The following SNX29 variants were observed in gnomAD, a reference collection of about 807,000 sequenced individuals.
SNX29 encodes sorting nexin-29.
In SNX29, 78 loss-of-function variants were observed where a neutral mutation model predicts 102.1. That is an observed-to-expected ratio of 0.76 (90% CI 0.64 to 0.92). The LOEUF is 0.92. Among genes scored for constraint, SNX29 ranks in the 40% least tolerant of loss-of-function variants. SNX29 has a pLI of 0.00. For synonymous variants in SNX29, 580 were observed against 414.5 expected (o/e 1.40, Z -4.85); for missense variants, 1,280 against 1,061.7 (o/e 1.21, Z -2.86).
At chr16:12,431,083 C>G (rs1419931578) in intron 18 of SNX29, among the ~76,000 whole-genome samples, 2 of 152,152 alleles carry the variant, frequency 1.3e-5, no homozygotes, top group Non-Finnish European at 2.9e-5. Flanking sequence ...AACTCCTGAT[C>G]TCAGGTGATC....
At position 12,571,096 on chromosome 16, in the gene SNX29, T is replaced by TTC. The variant is rs1415488214; in HGVS notation, c.*2468_*2469dup. ...CACATGACAGCAACTCCCCGAAGCC[T>TTC]TCCCTTTGGAATCCCATAGAATGTT... On this transcript the variant is annotated 3_prime_UTR_variant, in exon 21 of 21. Transcript: ENST00000566228. 2 of 232,220 alleles carry TTC rather than the reference T, an allele frequency of 8.6e-6. No individual in the cohort carries two copies. The highest frequency in any genetic ancestry group is 1.7e-5 in the Non-Finnish European group (2 of 117,472). The allele number at this position is 232,220 out of a possible 1,614,324, so 14.4% of individuals were successfully genotyped here. A position where few individuals can be genotyped will look rare whatever the true frequency, so the allele number is the denominator to read the frequency against.
At chr16:12,309,360 T>A (rs1381401376) in intron 15 of SNX29, among the ~76,000 whole-genome samples, 1 of 152,240 alleles carries the variant, frequency 6.6e-6, no homozygotes, top group Non-Finnish European at 1.5e-5. Flanking sequence ...GAGGGCTCAC[T>A]GCTGAAGGCA....
chr16:12,117,493 G>C (rs1011567392), intron 11 of SNX29, among the ~76,000 whole-genome samples: 2 of 152,220 alleles, frequency 1.3e-5, no homozygotes, highest in Non-Finnish European at 2.9e-5. Context: ...TTAGTCAAAG[G>C]AGCCAGGCAA....
At position 12,247,933 on chromosome 16, in the gene SNX29, C is replaced by G. The variant is rs2078306725; in HGVS notation, c.1679-30000C>G. Among the ~76,000 whole-genome samples, 4 of 152,308 alleles carry G rather than the reference C, an allele frequency of 2.6e-5. No homozygotes were observed. In the South Asian group the frequency reaches 8.3e-4, roughly 32 times the overall value. ...TGCGTGGTGTGTTGTTTACCACACACTGTGTAGAATTACCATGGAACAAGG... is the reference window on the plus strand; with the variant it reads ...TGCGTGGTGTGTTGTTTACCACACAGTGTGTAGAATTACCATGGAACAAGG... On this transcript the variant is annotated intron_variant, in intron 14 of 20. Coordinates refer to ENST00000566228, the MANE Select transcript of SNX29 (RefSeq NM_032167.5).
At position 12,562,286 on chromosome 16, in the gene SNX29, C is replaced by T. The variant is rs78827965; in HGVS notation, c.2319-6220C>T. ...CATCCCCATGGGCCACGCTCTATCC[C>T]AGCATCAAACGTTATCGTTGGCTTT... On this transcript the variant is annotated intron_variant, in intron 20 of 20. Transcript: ENST00000566228. Among the ~76,000 whole-genome samples, 1,075 of 152,292 alleles carry T rather than the reference C, an allele frequency of 7.1e-3. 18 individuals are homozygous for T. Among genetic ancestry groups the T allele is most frequent in the African/African-American group, 0.025 (1,025 of 41,554 alleles).
chr16:12,435,237 A>C, intron 18 of SNX29, among the ~76,000 whole-genome samples: 1 of 152,206 alleles, frequency 6.6e-6, no homozygotes, highest in Non-Finnish European at 1.5e-5. Flanking sequence ...CAGCACAAGC[A>C]TCAGCTGATA....
intron 16 of SNX29, chr16:12,375,195 T>G (rs1597133816): frequency 6.6e-6 from 1 of 152,188 alleles, no homozygotes; most frequent in South Asian, 2.1e-4. Context: ...GATTGCAGTT[T>G]TAGCCCCCAT....
chr16:12,105,194 T>G (rs1382028853), intron 11 of SNX29, among the ~76,000 whole-genome samples: 2 of 139,900 alleles, frequency 1.4e-5, no homozygotes, highest in Non-Finnish European at 3.2e-5. Context: ...ATTTCCTTCC[T>G]TCCTCCCTTC....
At chr16:12,265,219 A>G (rs1454174001) in intron 14 of SNX29, among the ~76,000 whole-genome samples, 2 of 152,154 alleles carry the variant, frequency 1.3e-5, no homozygotes, top group Non-Finnish European at 2.9e-5. Context: ...AGCTGTCCGC[A>G]TGTTTTATTC....
chr16:12,305,977 T>C lies in SNX29; in HGVS notation c.1782+27941T>C, dbSNP rs867459504. Among the ~76,000 whole-genome samples the C allele has an allele frequency of 2.6e-5, 4 of 152,050 alleles. 1 individual carries two copies. The highest frequency in any genetic ancestry group is 6.3e-3 in the Middle Eastern group (2 of 316). On this transcript the variant is annotated intron_variant, in intron 15 of 20. Coordinates refer to ENST00000566228, the MANE Select transcript of SNX29 (RefSeq NM_032167.5). ...GAATGTCTGTTTAATTCATTTTAAA[T>C]AGTCCTCGTTTTATACTGGAGGACA...
chr16:12,243,181 A>G (rs74008876), intron 14 of SNX29, among the ~76,000 whole-genome samples: 260 of 152,292 alleles, frequency 1.7e-3, no homozygotes, highest in African/African-American at 6.0e-3. Flanking sequence ...TTGGGCACAC[A>G]CCGATTCGTG....
At chr16:12,459,853 A>T (rs2086703266) in intron 18 of SNX29, among the ~76,000 whole-genome samples, 1 of 152,062 alleles carries the variant, frequency 6.6e-6, no homozygotes, top group African/African-American at 2.4e-5. Context: ...CATTTCCCCA[A>T]AGCCATAGTG....
At chr16:12,193,077 C>G (rs1350984979) in intron 13 of SNX29, among the ~76,000 whole-genome samples, 1 of 152,186 alleles carries the variant, frequency 6.6e-6, no homozygotes, top group African/African-American at 2.4e-5. Flanking sequence ...TCAGGTGATC[C>G]TCCTGCCTCA....
intron 18 of SNX29, among the ~76,000 whole-genome samples, chr16:12,425,536 A>T (rs945664472): frequency 4.5e-5 from 6 of 132,044 alleles, no homozygotes; most frequent in Non-Finnish European, 6.7e-5. Flanking sequence ...AGTTAAAAAA[A>T]AAAAAAAATA....
At chr16:12,000,292 T>C (rs11648938) in intron 2 of SNX29, 87,855 of 152,448 alleles carry the variant, frequency 0.58, 26,227 homozygotes, top group African/African-American at 0.66. Context: ...TTAATCCTTC[T>C]AACAACACTG....
At chr16:12,565,211 C>G (rs761653026) in intron 20 of SNX29, among the ~76,000 whole-genome samples, 1 of 152,180 alleles carries the variant, frequency 6.6e-6, no homozygotes, top group Admixed American at 6.5e-5. Context: ...TTCAGCCAGA[C>G]AGCATTACCA....
chr16:12,414,457 C>T (rs1280641509), intron 18 of SNX29, among the ~76,000 whole-genome samples: 1 of 152,170 alleles, frequency 6.6e-6, no homozygotes, highest in South Asian at 2.1e-4. Context: ...TAAGTGGGAC[C>T]TTCTAAGTGT....
At chr16:12,334,930 A>G (rs1156595209) in intron 15 of SNX29, among the ~76,000 whole-genome samples, 1 of 111,620 alleles carries the variant, frequency 9.0e-6, no homozygotes, top group East Asian at 2.2e-4. Flanking sequence ...TTAAAAAGCA[A>G]CAGTCTTTCA....
At chr16:12,424,907 A>T (rs1232490296) in intron 18 of SNX29, among the ~76,000 whole-genome samples, 1 of 152,204 alleles carries the variant, frequency 6.6e-6, no homozygotes, top group Non-Finnish European at 1.5e-5. Context: ...AATCAACCAC[A>T]TCAATAAATG....
Sources: allele counts gnomAD v4.1 joint callset (sites outside exome capture counted in the v4.1 genomes callset), GRCh38; gene constraint gnomAD v4.1.1; transcripts MANE v1.5; gene names NCBI Gene and HGNC (gene_info 2026-07-23, HGNC 2026-07-21).